CSMD1: variants seen among roughly 807,000 people sequenced by gnomAD.
CSMD1 encodes the protein CUB and sushi domain-containing protein 1.
A neutral mutation model predicts 417.5 loss-of-function variants in CSMD1; 213 were observed. That is an observed-to-expected ratio of 0.51 (90% CI 0.46 to 0.57). CSMD1 has a LOEUF of 0.57. Ranked by LOEUF, CSMD1 falls within the 20% of genes least tolerant of loss-of-function variation. The probability of loss-of-function intolerance (pLI) is 0.00; values close to 1 mark genes in which losing one functional copy is unlikely to be tolerated. For missense variants in CSMD1, 6,923 were observed against 4,529.7 expected (o/e 1.53, Z -15.17); for synonymous variants, 2,862 against 1,736.8 (o/e 1.65, Z -16.11).
intron 3 of CSMD1, among the ~76,000 whole-genome samples, chr8:4,200,991 C>G (rs529336722): frequency 6.9e-4 from 105 of 152,282 alleles, no homozygotes; most frequent in African/African-American, 2.4e-3. Context: ...TTTTTCTCCA[C>G]AGCGCCGTTC....
chr8:3,159,487 C>A (rs1488640367), intron 38 of CSMD1, among the ~76,000 whole-genome samples: 2 of 152,158 alleles, frequency 1.3e-5, no homozygotes, highest in Non-Finnish European at 2.9e-5. Context: ...TCACACTAGG[C>A]ATATGTATTT....
intron 1 of CSMD1, among the ~76,000 whole-genome samples, chr8:4,651,407 G>C (rs7014518): frequency 0.046 from 7,060 of 152,186 alleles, 443 homozygotes; most frequent in African/African-American, 0.13. Flanking sequence ...TGTTTCTCGG[G>C]TCTTCAGCTG....
chr8:3,844,550 T>C (rs893347397), intron 5 of CSMD1, among the ~76,000 whole-genome samples: 8 of 152,134 alleles, frequency 5.3e-5, no homozygotes, highest in East Asian at 3.9e-4. Context: ...GAGGGAAAAA[T>C]TGGATTTTTA....
Position 4,990,075 on chromosome 8 carries a change from C to T in CSMD1, c.85+4257G>A, listed in dbSNP as rs532972988. Among the ~76,000 whole-genome samples the T allele has an allele frequency of 6.8e-4, 104 of 152,262 alleles. 1 individual carries two copies. The highest frequency in any genetic ancestry group is 2.5e-3 in the African/African-American group (103 of 41,560). On this transcript the variant is annotated intron_variant, in intron 1 of 69. Transcript: ENST00000635120. Reference sequence around the variant, plus strand: ...TCCCGAGGCCTCTGCCAGTGAGATGCTTGAGACATGGGGGAATTCTACCAC... The same window carrying T: ...TCCCGAGGCCTCTGCCAGTGAGATGTTTGAGACATGGGGGAATTCTACCAC...
At chr8:4,161,352 C>T (rs1294756190) in intron 3 of CSMD1, among the ~76,000 whole-genome samples, 1 of 152,182 alleles carries the variant, frequency 6.6e-6, no homozygotes, top group African/African-American at 2.4e-5. Context: ...GTCTCTTTGA[C>T]TGTAAAAATG....
chr8:3,132,396 T>G (rs758791007), intron 41 of CSMD1, among the ~76,000 whole-genome samples: 1 of 152,094 alleles, frequency 6.6e-6, no homozygotes, highest in Non-Finnish European at 1.5e-5. Flanking sequence ...TGGGTTTAGA[T>G]TACAGAGACC....
At chr8:4,734,351 T>G (rs1234531032) in intron 1 of CSMD1, among the ~76,000 whole-genome samples, 2 of 152,186 alleles carry the variant, frequency 1.3e-5, no homozygotes, top group African/African-American at 4.8e-5. Context: ...TATTATATAG[T>G]TATTTAGAGC....
At chr8:4,630,265 TACACACACACACACACAC>T (rs57214957) in intron 2 of CSMD1, among the ~76,000 whole-genome samples, 3 of 148,938 alleles carry the variant, frequency 2.0e-5, no homozygotes, top group African/African-American at 5.0e-5. Context: ...ACACAGCAAA[TACACACACACACACACAC>T]ACACACACAC....
intron 1 of CSMD1, among the ~76,000 whole-genome samples, chr8:4,780,523 G>T (rs146212003): frequency 2.9e-4 from 44 of 152,118 alleles, no homozygotes; most frequent in African/African-American, 1.0e-3. Flanking sequence ...AAACGAACCT[G>T]CCTTGATGTT....
chr8:3,893,085 T>A (rs993673098), intron 5 of CSMD1, among the ~76,000 whole-genome samples: 2 of 151,918 alleles, frequency 1.3e-5, no homozygotes, highest in Non-Finnish European at 2.9e-5. Flanking sequence ...ATGCTGGAAT[T>A]AGCTTTCTAT....
chr8:4,180,995 C>A (rs551529175), intron 3 of CSMD1, among the ~76,000 whole-genome samples: 1 of 152,188 alleles, frequency 6.6e-6, no homozygotes, highest in African/African-American at 2.4e-5. Context: ...TCCGTACCCA[C>A]TATTATGGAA....
intron 4 of CSMD1, among the ~76,000 whole-genome samples, chr8:4,008,663 T>G (rs188440690): frequency 1.5e-5 from 2 of 136,210 alleles, no homozygotes; most frequent in Non-Finnish European, 3.0e-5. Flanking sequence ...CAGGCTGGAG[T>G]GCAGTGGTGC....
At chr8:4,083,246 T>C (rs2130820370) in intron 3 of CSMD1, among the ~76,000 whole-genome samples, 2 of 152,272 alleles carry the variant, frequency 1.3e-5, no homozygotes, top group Middle Eastern at 6.8e-3. Context: ...GTAAAAGTGT[T>C]CTTATTTCTC....
intron 37 of CSMD1, among the ~76,000 whole-genome samples, chr8:3,168,598 T>C (rs1016374499): frequency 4.0e-5 from 6 of 151,714 alleles, no homozygotes; most frequent in African/African-American, 1.5e-4. Flanking sequence ...CAGACTTCTA[T>C]GTCACAGTGT....
chr8:4,639,307 G>C (rs927245570), intron 1 of CSMD1, among the ~76,000 whole-genome samples: 1 of 145,376 alleles, frequency 6.9e-6, no homozygotes, highest in Non-Finnish European at 1.5e-5. Flanking sequence ...GCCTCTGATG[G>C]CCATGCCTGG....
At chr8:4,871,681 T>C (rs1023229353) in intron 1 of CSMD1, among the ~76,000 whole-genome samples, 4 of 152,142 alleles carry the variant, frequency 2.6e-5, no homozygotes, top group African/African-American at 7.3e-5. Context: ...AAATTAAATA[T>C]TAATGAATCT....
At chr8:4,254,657 G>C (rs1485492044) in intron 3 of CSMD1, among the ~76,000 whole-genome samples, 2 of 152,136 alleles carry the variant, frequency 1.3e-5, no homozygotes, top group Non-Finnish European at 2.9e-5. Flanking sequence ...AACTGCCGTA[G>C]ACAGGTGTAC....
intron 1 of CSMD1, among the ~76,000 whole-genome samples, chr8:4,663,375 G>C (rs1291235468): frequency 6.6e-6 from 1 of 152,102 alleles, no homozygotes. Flanking sequence ...TTCCTCTAAG[G>C]GACTCTTTGG....
intron 5 of CSMD1, among the ~76,000 whole-genome samples, chr8:3,821,535 C>A (rs536052228): frequency 6.6e-6 from 1 of 152,130 alleles, no homozygotes; most frequent in South Asian, 2.1e-4. Flanking sequence ...GTAATCCCAG[C>A]ACTTTGAAAG....
Sources: gnomAD v4.1 joint callset for allele counts (sites outside exome capture counted in the v4.1 genomes callset) on GRCh38, gnomAD v4.1.1 for gene constraint, MANE v1.5 for transcripts, NCBI Gene and HGNC (gene_info 2026-07-23, HGNC 2026-07-21) for gene names.